The following CDK17 variants were observed in gnomAD, a reference collection of about 807,000 sequenced individuals.
CDK17 encodes cyclin-dependent kinase 17.
CDK17 carries 24 observed loss-of-function variants against 77.6 expected under a neutral mutation model. That is an observed-to-expected ratio of 0.31 (90% confidence interval 0.22 to 0.44). The LOEUF (loss-of-function observed/expected upper bound fraction) is 0.44, where lower values mean the gene tolerates loss of function less well. Ranked by LOEUF, CDK17 falls within the 20% of genes least tolerant of loss-of-function variation. CDK17 has a pLI of 1.00. For missense variants in CDK17, 429 were observed against 622.5 expected (o/e 0.69, Z 3.31); for synonymous variants, 203 against 210.4 (o/e 0.96, Z 0.30).
At chr12:96,309,276 T>G (rs1038108021) in intron 5 of CDK17, among the ~76,000 whole-genome samples, 2 of 151,478 alleles carry the variant, frequency 1.3e-5, no homozygotes, top group African/African-American at 4.8e-5. Context: ...ACAACACCCT[T>G]CATTCATAGG....
At chr12:96,361,114 G>C (rs1229986368) in intron 1 of CDK17, among the ~76,000 whole-genome samples, 1 of 152,232 alleles carries the variant, frequency 6.6e-6, no homozygotes, top group Non-Finnish European at 1.5e-5. Context: ...AAAACTACGT[G>C]TCAAGAGCTT....
intron 1 of CDK17, among the ~76,000 whole-genome samples, chr12:96,374,593 G>A (rs71438996): frequency 0.049 from 7,406 of 152,148 alleles, 245 homozygotes; most frequent in Non-Finnish European, 0.06. Context: ...TGACCTCTTG[G>A]CAAATTCTTA....
chr12:96,317,697 T>C (rs1952751757), intron 3 of CDK17, among the ~76,000 whole-genome samples: 1 of 133,720 alleles, frequency 7.5e-6, no homozygotes, highest in Non-Finnish European at 1.6e-5. Context: ...CCAGCCAAAC[T>C]AAGCTTCATA....
At chr12:96,389,078 T>G (rs1008352647) in intron 1 of CDK17, among the ~76,000 whole-genome samples, 2 of 151,972 alleles carry the variant, frequency 1.3e-5, no homozygotes, top group African/African-American at 2.4e-5. Context: ...GCCTTCTGCC[T>G]CAGCCTCCTG....
chr12:96,284,358 G>A (rs1470817112), intron 13 of CDK17: 1 of 151,886 alleles, frequency 6.6e-6, no homozygotes, highest in Non-Finnish European at 1.5e-5. Context: ...CTACTCGGGA[G>A]GCTGAGGCAG....
intron 1 of CDK17, among the ~76,000 whole-genome samples, chr12:96,367,486 T>TA (rs1953607297): frequency 6.6e-6 from 1 of 151,974 alleles, no homozygotes; most frequent in Admixed American, 6.6e-5. Context: ...TAAGAAAATG[T>TA]GAATTATACT....
chr12:96,332,777 T>C (rs1452317918), intron 2 of CDK17, among the ~76,000 whole-genome samples: 2 of 152,200 alleles, frequency 1.3e-5, no homozygotes, highest in South Asian at 2.1e-4. Context: ...ATTTACTACC[T>C]ATTAAAAGTT....
At chr12:96,282,465 CAAATAA>C (rs1952189997) in intron 15 of CDK17, 38 bp downstream of exon 15, 1 of 1,319,962 alleles carries the variant, frequency 7.6e-7, no homozygotes, top group Middle Eastern at 1.8e-4. Flanking sequence ...TAACCTTGGA[CAAATAA>C]AAATAAAGCA....
At chr12:96,376,137 G>C (rs535458931) in intron 1 of CDK17, among the ~76,000 whole-genome samples, 87 of 152,260 alleles carry the variant, frequency 5.7e-4, no homozygotes, top group African/African-American at 2.1e-3. Flanking sequence ...GGAAACTCCT[G>C]CTCAGGCAGA....
At chr12:96,348,489 A>G (rs1190037771) in intron 1 of CDK17, among the ~76,000 whole-genome samples, 1 of 145,348 alleles carries the variant, frequency 6.9e-6, no homozygotes, top group Non-Finnish European at 1.5e-5. Context: ...GTGCCACTGC[A>G]CTGCAGCCTG....
chr12:96,320,216 A>G (rs1952797054), intron 3 of CDK17, among the ~76,000 whole-genome samples: 1 of 149,454 alleles, frequency 6.7e-6, no homozygotes, highest in South Asian at 2.2e-4. Flanking sequence ...AATTGCTTCA[A>G]AGAGAATAAA....
At chr12:96,352,396 A>T (rs539944289) in intron 1 of CDK17, among the ~76,000 whole-genome samples, 2 of 152,176 alleles carry the variant, frequency 1.3e-5, no homozygotes, top group South Asian at 4.1e-4. Context: ...GAGAGAGAAA[A>T]AAAAAAAACA....
At position 96,323,392 on chromosome 12, in the gene CDK17, G is replaced by A. The variant is rs558685757; in HGVS notation, c.283+556C>T. Among the ~76,000 whole-genome samples the A allele has an allele frequency of 3.5e-4, 53 of 152,162 alleles. No individual in the cohort carries two copies. In the South Asian group the frequency reaches 0.01, roughly 29 times the overall value. On this transcript the variant is annotated intron_variant, in intron 3 of 16. Transcript: ENST00000261211. ...GATCATTTGAGCCTGGGAGGTCAGG[G>A]CTGCAGTGAGCTTCAATAGCACCAC... is the stretch of plus-strand genomic sequence containing the variant.
intron 11 of CDK17, 34 bp from the exon 12 acceptor site, chr12:96,286,795 TC>T: frequency 6.6e-7 from 1 of 1,511,266 alleles, no homozygotes; most frequent in Non-Finnish European, 9.2e-7. Flanking sequence ...ATTTAGCAAT[TC>T]ATTTACATAT....
At chr12:96,326,253 C>T (rs1351621492) in intron 2 of CDK17, among the ~76,000 whole-genome samples, 2 of 152,122 alleles carry the variant, frequency 1.3e-5, no homozygotes, top group African/African-American at 2.4e-5. Flanking sequence ...CTATTCTAGG[C>T]ACTGGGCATC....
At chr12:96,286,850 A>C in intron 11 of CDK17, 89 bp from the exon 12 acceptor site, 1 of 1,006,394 alleles carries the variant, frequency 9.9e-7, no homozygotes, top group Non-Finnish European at 1.5e-6. Context: ...CTCTCTGCAG[A>C]ATTTTGCACT....
At chr12:96,305,313 A>G (rs78845498) in intron 5 of CDK17, among the ~76,000 whole-genome samples, 1 of 152,218 alleles carries the variant, frequency 6.6e-6, no homozygotes, top group Non-Finnish European at 1.5e-5. Flanking sequence ...CTGACAAAAA[A>G]TTAGTGAAAT....
At chr12:96,320,579 A>G (rs1392547468) in intron 3 of CDK17, among the ~76,000 whole-genome samples, 2 of 150,544 alleles carry the variant, frequency 1.3e-5, no homozygotes, top group African/African-American at 4.9e-5. Flanking sequence ...TACAGTAACC[A>G]AAACAGCATG....
At chr12:96,373,944 G>A (rs922682135) in intron 1 of CDK17, among the ~76,000 whole-genome samples, 3 of 151,950 alleles carry the variant, frequency 2.0e-5, no homozygotes, top group African/African-American at 4.8e-5. Context: ...GCAAGACTCC[G>A]TCTCAAAAAA....
Sources: allele counts gnomAD v4.1 joint callset (sites outside exome capture counted in the v4.1 genomes callset), GRCh38; gene constraint gnomAD v4.1.1; transcripts MANE v1.5; gene names NCBI Gene and HGNC (gene_info 2026-07-23, HGNC 2026-07-21).